The following NRG3 variants were observed in gnomAD, a reference collection of about 807,000 sequenced individuals.
NRG3 encodes neuregulin 3.
In NRG3, 31 loss-of-function variants were observed where a neutral mutation model predicts 66.9. The observed-to-expected ratio is 0.46, with a 90% CI of 0.35 to 0.63. NRG3 has a LOEUF of 0.63. Ranked by LOEUF, NRG3 falls within the 20% of genes least tolerant of loss-of-function variation. The pLI is 0.00. For missense variants in NRG3, 910 were observed against 878.9 expected, an observed-to-expected ratio of 1.04 and a Z score of -0.45; for synonymous variants, 393 against 359.4, an observed-to-expected ratio of 1.09 and a Z score of -1.06.
chr10:82,942,399 A>G (rs1251739080), intron 4 of NRG3, among the ~76,000 whole-genome samples: 2 of 152,246 alleles, frequency 1.3e-5, no homozygotes, highest in African/African-American at 4.8e-5. Context: ...GCAGTTTCCA[A>G]AAGAATTACC....
At chr10:82,131,756 G>T (rs1203867587) in intron 1 of NRG3, among the ~76,000 whole-genome samples, 3 of 151,812 alleles carry the variant, frequency 2.0e-5, no homozygotes, top group Non-Finnish European at 4.4e-5. Context: ...TAATTTCTTT[G>T]GTTAAGTTTA....
intron 1 of NRG3, among the ~76,000 whole-genome samples, chr10:82,115,638 G>A (rs1211898980): frequency 1.3e-5 from 2 of 152,068 alleles, no homozygotes; most frequent in Admixed American, 6.6e-5. Context: ...ATACACTCAG[G>A]CCTAAAAGAT....
chr10:82,041,040 G>A (rs1486207227), intron 1 of NRG3, among the ~76,000 whole-genome samples: 1 of 152,080 alleles, frequency 6.6e-6, no homozygotes, highest in African/African-American at 2.4e-5. Flanking sequence ...CAAATGCCAT[G>A]CATATTTCTG....
chr10:82,619,927 AGTTT>A (rs1285949701), intron 2 of NRG3, among the ~76,000 whole-genome samples: 1 of 152,200 alleles, frequency 6.6e-6, no homozygotes, highest in African/African-American at 2.4e-5. Context: ...CAATCTTGGC[AGTTT>A]GTTATGGCAT....
At chr10:81,925,879 G>T (rs1280423976) in intron 1 of NRG3, among the ~76,000 whole-genome samples, 1 of 152,046 alleles carries the variant, frequency 6.6e-6, no homozygotes. Flanking sequence ...GCTGAGCCCT[G>T]ATTAAACATC....
chr10:82,508,877 G>A (rs986532480), intron 2 of NRG3, among the ~76,000 whole-genome samples: 4 of 152,100 alleles, frequency 2.6e-5, no homozygotes, highest in African/African-American at 7.2e-5. Flanking sequence ...TTTCACTTTC[G>A]TCCACACTTC....
At chr10:82,623,846 T>G (rs1455957223) in intron 2 of NRG3, among the ~76,000 whole-genome samples, 1 of 152,310 alleles carries the variant, frequency 6.6e-6, no homozygotes, top group East Asian at 1.9e-4. Context: ...GCCCCTAGTC[T>G]AGATTATTGC....
At chr10:82,692,199 G>A (rs1565207829) in intron 2 of NRG3, among the ~76,000 whole-genome samples, 2 of 150,216 alleles carry the variant, frequency 1.3e-5, no homozygotes, top group Non-Finnish European at 1.5e-5. Context: ...GTTGCAGTGA[G>A]CTGAGATTGC....
At chr10:81,969,224 G>A (rs2059839174) in intron 1 of NRG3, among the ~76,000 whole-genome samples, 1 of 152,094 alleles carries the variant, frequency 6.6e-6, no homozygotes, top group Non-Finnish European at 1.5e-5. Flanking sequence ...CAACCAATAT[G>A]TCCTGAGGGA....
chr10:81,877,374 T>C (rs1055995293), intron 1 of NRG3, among the ~76,000 whole-genome samples: 1 of 152,094 alleles, frequency 6.6e-6, no homozygotes, highest in African/African-American at 2.4e-5. Flanking sequence ...CAAGGCTATT[T>C]TGCAAAAAAC....
intron 2 of NRG3, among the ~76,000 whole-genome samples, chr10:82,620,091 G>T (rs777343234): frequency 5.9e-5 from 9 of 152,178 alleles, no homozygotes; most frequent in Non-Finnish European, 8.8e-5. Context: ...TGTGGACCCT[G>T]AGGCGATGGT....
chr10:82,802,387 T>C (rs1357730428), intron 3 of NRG3, among the ~76,000 whole-genome samples: 2 of 152,198 alleles, frequency 1.3e-5, no homozygotes, highest in African/African-American at 2.4e-5. Flanking sequence ...CTACTCTGCA[T>C]GATCTAACTT....
chr10:82,830,023 G>A (rs145896838), intron 3 of NRG3, among the ~76,000 whole-genome samples: 49 of 152,196 alleles, frequency 3.2e-4, no homozygotes, highest in African/African-American at 1.0e-3. Flanking sequence ...GCTGAGTTCC[G>A]TATCTTCTCA....
chr10:82,362,965 T>C (rs1383759973), intron 2 of NRG3, among the ~76,000 whole-genome samples: 1 of 152,208 alleles, frequency 6.6e-6, no homozygotes. Flanking sequence ...TTTATTTATG[T>C]TCAGCAATTG....
chr10:82,240,660 C>G (rs1477503258), intron 1 of NRG3, among the ~76,000 whole-genome samples: 2 of 152,024 alleles, frequency 1.3e-5, no homozygotes, highest in Admixed American at 1.3e-4. Context: ...GTAGTTCATT[C>G]CAGAATAAAT....
intron 1 of NRG3, among the ~76,000 whole-genome samples, chr10:82,285,268 G>A (rs1158191422): frequency 6.6e-6 from 1 of 152,160 alleles, no homozygotes; most frequent in African/African-American, 2.4e-5. Context: ...AGGGGGTGGA[G>A]ACTCGGTTTA....
At chr10:82,448,326 A>G (rs989796614) in intron 2 of NRG3, among the ~76,000 whole-genome samples, 1 of 152,234 alleles carries the variant, frequency 6.6e-6, no homozygotes, top group African/African-American at 2.4e-5. Context: ...CAAGGAAGAA[A>G]ACACTAGGGA....
chr10:82,971,223 T>A (rs1851695099), intron 6 of NRG3, among the ~76,000 whole-genome samples: 1 of 152,070 alleles, frequency 6.6e-6, no homozygotes, highest in African/African-American at 2.4e-5. Context: ...AGGCCTCATC[T>A]CCAAAATTGG....
chr10:82,056,024 T>C (rs2063831716), intron 1 of NRG3, among the ~76,000 whole-genome samples: 1 of 152,182 alleles, frequency 6.6e-6, no homozygotes, highest in African/African-American at 2.4e-5. Context: ...CCAGGCAGTT[T>C]CGAAGACCAC....
Sources: allele counts gnomAD v4.1 joint callset (sites outside exome capture counted in the v4.1 genomes callset), GRCh38; gene constraint gnomAD v4.1.1; transcripts MANE v1.5; gene names NCBI Gene and HGNC (gene_info 2026-07-23, HGNC 2026-07-21).